KDM3B: variants seen among roughly 807,000 people sequenced by gnomAD.
The protein encoded by KDM3B is lysine demethylase 3B, also known as lysine-specific demethylase 3B.
A neutral mutation model predicts 170.0 loss-of-function variants in KDM3B; 10 were observed. The ratio of observed to expected loss-of-function variants is 0.06; its 90% CI spans 0.04 to 0.10. The LOEUF is 0.10. Ranked by LOEUF, KDM3B falls within the 10% of genes least tolerant of loss-of-function variation. The probability of loss-of-function intolerance (pLI) is 1.00; values close to 1 mark genes in which losing one functional copy is unlikely to be tolerated. For missense variants in KDM3B, 1,394 were observed against 2,195.2 expected (o/e 0.64, Z 7.29); for synonymous variants, 831 against 834.8 (o/e 1.00, Z 0.08).
chr5:138,352,834 G>A lies in KDM3B; in HGVS notation c.39G>A (p.Leu13=), dbSNP rs1761360511. ...CGGCCTCCCCGGTGGGCAAGCGGCT[G>A]CTGCTGCTGTTCGCGGACACTGCGG... is the stretch of plus-strand genomic sequence containing the variant. The part of the protein sequence containing the change: ...DAAASPVGKR[L]LLLFADTAAS... The change falls in exon 1 of 24, where the codon CTG becomes CTA. Residue 13 remains leucine, a synonymous_variant. Coordinates refer to ENST00000314358, the MANE Select transcript of KDM3B (RefSeq NM_016604.4). The A allele has an allele frequency of 1.5e-6, 2 of 1,353,920 alleles. No individual in the cohort carries two copies. The highest frequency in any genetic ancestry group is 3.1e-5 in the Admixed American group (1 of 32,558). 83.9% of individuals were successfully genotyped at this position (1,353,920 alleles called of 1,614,324 possible).
chr5:138,413,208 CCT>C (rs1433842658), intron 11 of KDM3B, among the ~76,000 whole-genome samples: 5 of 152,006 alleles, frequency 3.3e-5, no homozygotes, highest in South Asian at 2.1e-4. Flanking sequence ...ACATTGAACC[CCT>C]GTCTCTATGA....
chr5:138,361,781 T>C (rs559510923), intron 1 of KDM3B, among the ~76,000 whole-genome samples: 1 of 152,350 alleles, frequency 6.6e-6, no homozygotes, highest in African/African-American at 2.4e-5. Context: ...AAAGCCTTTC[T>C]GATTCCCCAG....
At chr5:138,424,446 G>A (rs1763345174) in intron 16 of KDM3B, 105 bp downstream of exon 16, 2 of 1,339,506 alleles carry the variant, frequency 1.5e-6, no homozygotes, top group South Asian at 1.4e-5. Context: ...TAGACATAGT[G>A]AGGTTATTGT....
At chr5:138,426,522 C>CCAAGATTGG (rs955727456) in intron 17 of KDM3B, among the ~76,000 whole-genome samples, 26 of 149,170 alleles carry the variant, frequency 1.7e-4, no homozygotes, top group African/African-American at 6.5e-4. Context: ...TTGCAGTGAG[C>CCAAGATTGG]CAAGATTGGG....
At position 138,392,201 on chromosome 5, in the gene KDM3B, C is replaced by T; in HGVS notation, c.2569C>T (p.Leu857=). ...PNGERSAELL[L]GKSKGKQAPK... is the part of the protein sequence containing the mutation. ...TGGGGAGCGCAGTGCTGAGCTGTTGCTGGGCAAAAGCAAAGGGAAGCAGGC... is the reference window on the plus strand; with the variant it reads ...TGGGGAGCGCAGTGCTGAGCTGTTGTTGGGCAAAAGCAAAGGGAAGCAGGC... Residue 857 remains leucine, a synonymous_variant, in exon 8 of 24, where the codon CTG becomes TTG. Transcript: ENST00000314358. The T allele has an allele frequency of 1.3e-6, 2 of 1,514,826 alleles. No homozygotes were observed. Among genetic ancestry groups the T allele is most frequent in the African/African-American group, 1.4e-5 (1 of 71,954 alleles). The allele number at this position is 1,514,826 out of a possible 1,614,324, so 93.8% of individuals were successfully genotyped here.
At chr5:138,428,205 GTTT>G in intron 20 of KDM3B, 119 bp downstream of exon 20, 5 of 766,126 alleles carry the variant, frequency 6.5e-6, no homozygotes, top group Non-Finnish European at 7.7e-6. Flanking sequence ...TCTTTTTTCT[GTTT>G]TTTTTTTTGG....
At chr5:138,413,738 ATCC>A (rs1763034618) in intron 11 of KDM3B, among the ~76,000 whole-genome samples, 1 of 151,834 alleles carries the variant, frequency 6.6e-6, no homozygotes, top group Non-Finnish European at 1.5e-5. Context: ...GGCTCAAACA[ATCC>A]TCCTACCTCA....
In KDM3B at chr5:138,391,399, G is replaced by A; in HGVS notation, c.1767G>A (p.Val589=). 1 of 1,613,710 alleles carries A rather than the reference G, an allele frequency of 6.2e-7. No individual in the cohort carries two copies. The highest frequency in any genetic ancestry group is 8.5e-7 in the Non-Finnish European group (1 of 1,179,756). Residue 589 remains valine (V), a synonymous_variant, in exon 8 of 24, where the codon GTG becomes GTA. Coordinates refer to ENST00000314358, the MANE Select transcript of KDM3B (RefSeq NM_016604.4). This position sits in a 1 kb window ranked among gnomAD's most constrained non-coding sequence, Gnocchi z 5.0. ...CAGGCTCTAAGGCTGGCAGCTCTGT[G>A]GACCGGAAAGTGCCTGCAGAGTCCA... ...TKPGSKAGSS[V]DRKVPAESMP...
intron 1 of KDM3B, among the ~76,000 whole-genome samples, chr5:138,357,713 T>A (rs371244183): frequency 2.0e-5 from 3 of 152,210 alleles, no homozygotes; most frequent in African/African-American, 4.8e-5. Flanking sequence ...GAATTTATTT[T>A]TTTATTTTTA....
Position 138,429,970 on chromosome 5 carries a change from G to T in KDM3B, c.4893+5G>T, listed in dbSNP as rs780747412. ...ATCCGGGAGCTGCTCCGAAAGGTAC[G>T]CCCCTGGGTGGGCTGTGCTCCCAGC... On this transcript the variant is annotated splice_donor_5th_base_variant and intron_variant, in intron 21 of 23. Transcript: ENST00000314358. The T allele has an allele frequency of 6.2e-6, 10 of 1,613,770 alleles. No individual in the cohort carries two copies. In the South Asian group the frequency reaches 9.9e-5, roughly 16 times the overall value.
In KDM3B at chr5:138,389,778, C is replaced by CTGTGTG. The variant is rs780753775; in HGVS notation, c.1381-1234_1381-1233insGTGTGT. 6.3e-3 allele frequency among the ~76,000 whole-genome samples: 759 copies of CTGTGTG among 120,110 alleles called. 7 individuals are homozygous for CTGTGTG. Among genetic ancestry groups the CTGTGTG allele is most frequent in the South Asian group, 0.031 (107 of 3,452 alleles). The allele number at this position is 120,110 out of a possible 152,430, so 78.8% of individuals were successfully genotyped here. ...ATGGGTCTCTTCTCTCTCTCTCTCT[C>CTGTGTG]TCTCTGTGTGTGTGTGTGTGTGTGT... On this transcript the variant is annotated intron_variant, in intron 7 of 23. Transcript: ENST00000314358.
At chr5:138,411,500 C>G (rs1398098083) in intron 11 of KDM3B, among the ~76,000 whole-genome samples, 2 of 152,074 alleles carry the variant, frequency 1.3e-5, no homozygotes, top group African/African-American at 4.8e-5. Context: ...GCCTGGGTGG[C>G]TTGCCGCCCA....
chr5:138,419,204 A>G lies in KDM3B; in HGVS notation c.3687A>G (p.Ala1229=). The G allele has an allele frequency of 6.2e-7, 1 of 1,614,098 alleles. No individual in the cohort carries two copies. Among genetic ancestry groups the G allele is most frequent in the Non-Finnish European group, 8.5e-7 (1 of 1,179,956 alleles). Residue 1229 remains alanine, a synonymous_variant, in exon 14 of 24, where the codon GCA becomes GCG. Coordinates refer to ENST00000314358, the MANE Select transcript of KDM3B (RefSeq NM_016604.4). ...CCCTGCACTGGTTGGCAGATTTAGC[A>G]ACTCAGAAGGCTAAAGAAGAAACAA... ...SSALHWLADL[A]TQKAKEETKE...
rs1554128165 is a variant in KDM3B, at chr5:138,389,782, C to CTCTG, written c.1381-1230_1381-1229insCTGT. On this transcript the variant is annotated intron_variant, in intron 7 of 23. Transcript: ENST00000314358. ...GTCTCTTCTCTCTCTCTCTCTCTCT[C>CTCTG]TGTGTGTGTGTGTGTGTGTGTGTGT... Among the ~76,000 whole-genome samples, 193 of 143,550 alleles carry CTCTG rather than the reference C, an allele frequency of 1.3e-3. 1 individual carries two copies. The South Asian group carries it at 0.014, about 11-fold the overall frequency. The allele number at this position is 143,550 out of a possible 152,430, so 94.2% of individuals were successfully genotyped here.
chr5:138,363,570 G>A (rs778619723), intron 1 of KDM3B, among the ~76,000 whole-genome samples: 56 of 151,964 alleles, frequency 3.7e-4, no homozygotes, highest in Non-Finnish European at 7.4e-4. Context: ...TTTTTGAGAC[G>A]GAGTCTCGCT....
At chr5:138,375,986 T>TTTTA (rs1287886420) in intron 3 of KDM3B, among the ~76,000 whole-genome samples, 2 of 150,386 alleles carry the variant, frequency 1.3e-5, no homozygotes, top group South Asian at 2.1e-4. Flanking sequence ...ATTTTTAAAT[T>TTTTA]TTTATTTATT....
intron 1 of KDM3B, among the ~76,000 whole-genome samples, chr5:138,359,556 C>G (rs954526809): frequency 4.0e-5 from 6 of 150,872 alleles, no homozygotes; most frequent in African/African-American, 9.8e-5. Flanking sequence ...ATCCACTCAG[C>G]TCGGCCTCCC....
intron 1 of KDM3B, among the ~76,000 whole-genome samples, chr5:138,355,710 T>A (rs760585084): frequency 6.6e-6 from 1 of 152,208 alleles, no homozygotes; most frequent in Non-Finnish European, 1.5e-5. Context: ...TGTTCCTAAA[T>A]CATTATTGGC....
chr5:138,358,750 A>T (rs189433849), intron 1 of KDM3B, among the ~76,000 whole-genome samples: 8 of 151,298 alleles, frequency 5.3e-5, no homozygotes, highest in African/African-American at 1.9e-4. Context: ...GCACAACATG[A>T]TTCTCAGCTT....
Sources: allele counts gnomAD v4.1 joint callset (sites outside exome capture counted in the v4.1 genomes callset), GRCh38; gene constraint gnomAD v4.1.1; non-coding constraint Gnocchi (gnomAD v3.1); transcripts MANE v1.5; gene names NCBI Gene and HGNC (gene_info 2026-07-23, HGNC 2026-07-21).